The following FLRT1 variants were observed in gnomAD, a reference collection of about 807,000 sequenced individuals.
The protein encoded by FLRT1 is fibronectin leucine rich transmembrane protein 1.
FLRT1 carries 14 observed loss-of-function variants against 30.9 expected under a neutral mutation model. The observed-to-expected ratio is 0.45, with a 90% confidence interval of 0.30 to 0.71. The LOEUF (loss-of-function observed/expected upper bound fraction) is 0.71. Ranked by LOEUF, FLRT1 falls within the 30% of genes least tolerant of loss-of-function variation. The pLI, the probability that FLRT1 is intolerant of heterozygous loss-of-function variation, is 0.08. For missense variants in FLRT1, 737 were observed against 949.2 expected, an observed-to-expected ratio of 0.78 and a Z score of 2.94; for synonymous variants, 368 against 430.4, an observed-to-expected ratio of 0.85 and a Z score of 1.80.
At position 64,118,187 on chromosome 11, in the gene FLRT1, C is replaced by T; in HGVS notation, c.1920C>T (p.Pro640=). 6.2e-7 allele frequency: 1 copy of T among 1,613,548 alleles called. No individual in the cohort carries two copies. The highest frequency in any genetic ancestry group is 8.5e-7 in the Non-Finnish European group (1 of 1,179,962). Residue 640 remains proline, a synonymous_variant, in exon 3 of 3, where the codon CCC becomes CCT. Transcript: ENST00000682287. The stretch of plus-strand genomic sequence containing the variant: ...AGTACGTGGTCCACACTATCTTCCC[C>T]TCCAACGGCAGCAGCCTCTGCAAGG... ...KEEYVVHTIF[P]SNGSSLCKAT...
At chr11:64,056,336 C>T (rs576962892) in intron 1 of FLRT1, among the ~76,000 whole-genome samples, 6 of 152,240 alleles carry the variant, frequency 3.9e-5, no homozygotes, top group African/African-American at 7.2e-5. Flanking sequence ...CCCGCTACCC[C>T]GCCACTCCCC....
intron 2 of FLRT1, among the ~76,000 whole-genome samples, chr11:64,112,112 T>G (rs1366334053): frequency 6.6e-6 from 1 of 152,220 alleles, no homozygotes; most frequent in East Asian, 1.9e-4. Context: ...CCATCACAGT[T>G]TCTCCTTTGA....
chr11:64,046,009 G>A (rs1257753421), intron 1 of FLRT1, among the ~76,000 whole-genome samples: 4 of 152,190 alleles, frequency 2.6e-5, no homozygotes, highest in Admixed American at 6.5e-5. Context: ...GTACAGTACT[G>A]TATCTCATTT....
At chr11:64,105,563 C>A (rs1944746999) in intron 2 of FLRT1, among the ~76,000 whole-genome samples, 1 of 152,132 alleles carries the variant, frequency 6.6e-6, no homozygotes, top group Non-Finnish European at 1.5e-5. Flanking sequence ...ATGACGTGCC[C>A]AACACTCAGG....
At chr11:64,084,161 C>A (rs7115071) in intron 1 of FLRT1, among the ~76,000 whole-genome samples, 51,824 of 152,002 alleles carry the variant, frequency 0.34, 9,487 homozygotes, top group East Asian at 0.48. Context: ...GGCACGCGCG[C>A]CTTCTGCAGT....
chr11:64,056,238 G>A (rs1193580938), intron 1 of FLRT1, among the ~76,000 whole-genome samples: 2 of 152,032 alleles, frequency 1.3e-5, no homozygotes, highest in African/African-American at 2.4e-5. Flanking sequence ...TGCAGCAGGT[G>A]GGCCCATGGG....
At chr11:64,044,914 G>C (rs908199135) in intron 1 of FLRT1, among the ~76,000 whole-genome samples, 2 of 152,192 alleles carry the variant, frequency 1.3e-5, no homozygotes, top group Non-Finnish European at 2.9e-5. Flanking sequence ...GCCTGGGGCT[G>C]GTACTGACAG....
In FLRT1 at chr11:64,074,778, A is replaced by G. The variant is rs117064928; in HGVS notation, c.-1037-28416A>G. On this transcript the variant is annotated intron_variant, in intron 1 of 2. Coordinates refer to ENST00000682287, the MANE Select transcript of FLRT1 (RefSeq NM_013280.5). ...GCTCCAGGCTTCTCATGAAACAAGC[A>G]GGTTATTGAATGGAGTCACTCCCCA... Among the ~76,000 whole-genome samples the G allele has an allele frequency of 6.7e-3, 1,016 of 152,248 alleles. 11 individuals carry two copies. Among genetic ancestry groups the G allele is most frequent in the Middle Eastern group, 0.014 (4 of 294 alleles).
chr11:64,097,675 C>T (rs1944601899), intron 1 of FLRT1, among the ~76,000 whole-genome samples: 1 of 152,254 alleles, frequency 6.6e-6, no homozygotes, highest in Non-Finnish European at 1.5e-5. Context: ...AGCAGGCTCT[C>T]GCCTCCGCCT....
intron 1 of FLRT1, among the ~76,000 whole-genome samples, chr11:64,063,966 A>G (rs546431418): frequency 6.6e-6 from 1 of 152,314 alleles, no homozygotes; most frequent in South Asian, 2.1e-4. Context: ...AGAGGTGACA[A>G]TGAATCGCAT....
chr11:64,100,167 G>C (rs1187230803), intron 1 of FLRT1, among the ~76,000 whole-genome samples: 1 of 152,182 alleles, frequency 6.6e-6, no homozygotes, highest in Non-Finnish European at 1.5e-5. Context: ...CAAGCTCAGG[G>C]AAGATGGCAA....
chr11:64,049,297 A>G (rs2134407730), intron 1 of FLRT1, among the ~76,000 whole-genome samples: 1 of 152,280 alleles, frequency 6.6e-6, no homozygotes. Flanking sequence ...CTGGCCCAGG[A>G]TCCCCAAAGC....
chr11:64,077,659 G>T (rs1228252672), intron 1 of FLRT1, among the ~76,000 whole-genome samples: 2 of 152,104 alleles, frequency 1.3e-5, no homozygotes, highest in Non-Finnish European at 2.9e-5. Context: ...GCACATGCTG[G>T]CACACCCCCA....
At chr11:64,078,152 A>G (rs1189814236) in intron 1 of FLRT1, among the ~76,000 whole-genome samples, 1 of 151,486 alleles carries the variant, frequency 6.6e-6, no homozygotes, top group African/African-American at 2.4e-5. Context: ...CTCAACCTCA[A>G]CCCTCCTTGT....
chr11:64,072,425 A>G (rs971936733), intron 1 of FLRT1, among the ~76,000 whole-genome samples: 2 of 114,704 alleles, frequency 1.7e-5, no homozygotes, highest in African/African-American at 5.3e-5. Context: ...GGCTCATTTA[A>G]AAAAAAAAAA....
At chr11:64,051,898 C>G (rs1943702078) in intron 1 of FLRT1, among the ~76,000 whole-genome samples, 2 of 151,950 alleles carry the variant, frequency 1.3e-5, no homozygotes, top group African/African-American at 4.8e-5. Flanking sequence ...TTTCCTCTCT[C>G]GGGGGCTGCA....
At chr11:64,063,539 G>A (rs566390432) in intron 1 of FLRT1, among the ~76,000 whole-genome samples, 12 of 152,286 alleles carry the variant, frequency 7.9e-5, no homozygotes, top group Admixed American at 3.3e-4. Context: ...AAAAGTCTCC[G>A]TTACTGCCCA....
At chr11:64,061,200 C>T (rs751642079) in intron 1 of FLRT1, among the ~76,000 whole-genome samples, 4 of 152,238 alleles carry the variant, frequency 2.6e-5, no homozygotes, top group Non-Finnish European at 4.4e-5. Context: ...ATAAGTCCCC[C>T]GCTTCTAACC....
intron 1 of FLRT1, among the ~76,000 whole-genome samples, chr11:64,050,766 A>T (rs923151340): frequency 6.6e-6 from 1 of 152,190 alleles, no homozygotes; most frequent in Admixed American, 6.5e-5. Context: ...TTACAGGCGC[A>T]TGCCATAATA....
Sources: allele counts gnomAD v4.1 joint callset (sites outside exome capture counted in the v4.1 genomes callset), GRCh38; gene constraint gnomAD v4.1.1; transcripts MANE v1.5; gene names NCBI Gene and HGNC (gene_info 2026-07-23, HGNC 2026-07-21).